Variants in INO80D observed in about 807,000 individuals in gnomAD.
INO80D encodes INO80 complex subunit D.
In INO80D, 21 loss-of-function variants were observed where a neutral mutation model predicts 87.6. The ratio of observed to expected loss-of-function variants is 0.24; its 90% CI spans 0.17 to 0.35. The LOEUF is 0.35. Ranked by LOEUF, INO80D falls within the 10% of genes least tolerant of loss-of-function variation. The probability of loss-of-function intolerance (pLI) is 1.00; values close to 1 mark genes in which losing one functional copy is unlikely to be tolerated. For synonymous variants in INO80D, 440 were observed against 491.0 expected (o/e 0.90, Z 1.37); for missense variants, 982 against 1,280.7 (o/e 0.77, Z 3.56).
At chr2:206,065,728 G>A (rs1486295158) in intron 1 of INO80D, among the ~76,000 whole-genome samples, 1 of 152,130 alleles carries the variant, frequency 6.6e-6, no homozygotes, top group Non-Finnish European at 1.5e-5. Context: ...ATGGGCAAAT[G>A]ATTTGAACAG....
Position 205,998,608 on chromosome 2 carries a change from A to G in INO80D, c.*5760T>C, listed in dbSNP as rs1469395138. The G allele has an allele frequency of 1.3e-5, 2 of 152,152 alleles. No homozygotes were observed. Among genetic ancestry groups the G allele is most frequent in the African/African-American group, 4.8e-5 (2 of 41,450 alleles). 9.4% of individuals were successfully genotyped at this position (152,152 alleles called of 1,614,324 possible). A position where few individuals can be genotyped will look rare whatever the true frequency, so the allele number is the denominator to read the frequency against. On this transcript the variant is annotated 3_prime_UTR_variant, in exon 11 of 11. Transcript: ENST00000403263. ...TATACCTTTTCTCTTAAAATCTACA[A>G]TAAGTATTCTGAAAGCTCATTGGGG... is the stretch of plus-strand genomic sequence containing the variant.
intron 3 of INO80D, among the ~76,000 whole-genome samples, chr2:206,058,035 C>A (rs1286775098): frequency 6.6e-6 from 1 of 151,972 alleles, no homozygotes; most frequent in Admixed American, 6.6e-5. Flanking sequence ...TCATGTTTTC[C>A]TGGATGGTCT....
At chr2:206,058,006 T>C (rs1450432044) in intron 3 of INO80D, among the ~76,000 whole-genome samples, 1 of 152,194 alleles carries the variant, frequency 6.6e-6, no homozygotes, top group Non-Finnish European at 1.5e-5. Context: ...TGGTGCCTTA[T>C]GTATTTCATT....
chr2:206,059,958 C>A (rs995260653), intron 3 of INO80D, among the ~76,000 whole-genome samples: 16 of 152,284 alleles, frequency 1.1e-4, no homozygotes, highest in Middle Eastern at 3.4e-3. Context: ...AATCCCAACA[C>A]TTTGGGAGGC....
At chr2:206,051,821 A>G (rs1410172905) in intron 4 of INO80D, among the ~76,000 whole-genome samples, 2 of 152,194 alleles carry the variant, frequency 1.3e-5, no homozygotes, top group African/African-American at 4.8e-5. Flanking sequence ...TTTCAACAAA[A>G]TAATATTAAA....
rs71410859 is a variant in INO80D at position 206,078,061 on chromosome 2, CAAAAAA to C, written c.-124+7834_-124+7839del. Among the ~76,000 whole-genome samples, 108 of 63,056 alleles carry C rather than the reference CAAAAAA, an allele frequency of 1.7e-3. 1 individual carries two copies. Among genetic ancestry groups the C allele is most frequent in the Admixed American group, 4.5e-3 (18 of 4,000 alleles). The allele number at this position is 63,056 out of a possible 152,430, so 41.4% of individuals were successfully genotyped here. On this transcript the variant is annotated intron_variant, in intron 1 of 10. Coordinates refer to ENST00000403263, the MANE Select transcript of INO80D (RefSeq NM_017759.5). ...TTCCAGCAAGTTGTTGCAATGTTTA[CAAAAAA>C]AAAAAAAAAAAAAAAAAAAAAGGTT...
intron 4 of INO80D, among the ~76,000 whole-genome samples, chr2:206,054,431 C>T (rs756484559): frequency 3.3e-5 from 5 of 152,134 alleles, no homozygotes; most frequent in Non-Finnish European, 5.9e-5. Context: ...TTTCAGTGAA[C>T]ATCCTTGCAC....
chr2:206,009,361 G>A (rs555797564), intron 9 of INO80D, among the ~76,000 whole-genome samples: 1 of 150,990 alleles, frequency 6.6e-6, no homozygotes, highest in South Asian at 2.1e-4. Flanking sequence ...TCAGTTTCGC[G>A]TCTGTTCTCT....
intron 4 of INO80D, among the ~76,000 whole-genome samples, chr2:206,047,906 A>G (rs1410696676): frequency 6.8e-6 from 1 of 146,648 alleles, no homozygotes; most frequent in Non-Finnish European, 1.5e-5. Flanking sequence ...GCTGGAGTGC[A>G]GTGGCGTGAT....
chr2:206,016,228 G>A (rs528587106), intron 8 of INO80D, among the ~76,000 whole-genome samples: 187 of 152,346 alleles, frequency 1.2e-3, no homozygotes, highest in Non-Finnish European at 2.0e-3. Context: ...TGTTTTGCAT[G>A]AGCTTGACCT....
intron 6 of INO80D, among the ~76,000 whole-genome samples, chr2:206,024,587 G>A (rs1438770134): frequency 1.3e-5 from 2 of 152,050 alleles, no homozygotes; most frequent in Non-Finnish European, 2.9e-5. Context: ...ACTCTTAAGG[G>A]CACAGTGCAT....
intron 4 of INO80D, among the ~76,000 whole-genome samples, chr2:206,054,221 T>C (rs1471936937): frequency 6.6e-6 from 1 of 151,590 alleles, no homozygotes; most frequent in Non-Finnish European, 1.5e-5. Context: ...AAGGTCTTAC[T>C]GTGTCGCCCA....
intron 5 of INO80D, among the ~76,000 whole-genome samples, chr2:206,043,970 T>A (rs1689127852): frequency 6.6e-6 from 1 of 152,076 alleles, no homozygotes; most frequent in Admixed American, 6.6e-5. Flanking sequence ...GGCAGGAAGA[T>A]CCCTTCAGAC....
chr2:206,037,186 AC>A (rs1688916623), intron 5 of INO80D, among the ~76,000 whole-genome samples: 1 of 152,208 alleles, frequency 6.6e-6, no homozygotes, highest in African/African-American at 2.4e-5. Context: ...AAGAAATGAT[AC>A]CTGTGAAGTA....
intron 5 of INO80D, among the ~76,000 whole-genome samples, chr2:206,041,171 G>A (rs1019678669): frequency 2.0e-5 from 3 of 150,702 alleles, no homozygotes; most frequent in Admixed American, 6.7e-5. Context: ...CAAAGAATAG[G>A]TGAGACAAAT....
chr2:206,074,470 G>A (rs751341889), intron 1 of INO80D, among the ~76,000 whole-genome samples: 31 of 152,000 alleles, frequency 2.0e-4, no homozygotes, highest in Non-Finnish European at 3.5e-4. Flanking sequence ...AAAATTAGCC[G>A]GGCATGATTG....
At chr2:206,077,141 G>T (rs1690141029) in intron 1 of INO80D, among the ~76,000 whole-genome samples, 1 of 152,078 alleles carries the variant, frequency 6.6e-6, no homozygotes, top group African/African-American at 2.4e-5. Flanking sequence ...GCTGGGCATG[G>T]TGGTGGGCGC....
chr2:206,057,944 T>G (rs962124563), intron 3 of INO80D, among the ~76,000 whole-genome samples: 1 of 152,128 alleles, frequency 6.6e-6, no homozygotes, highest in Non-Finnish European at 1.5e-5. Flanking sequence ...ACTGCTATTT[T>G]GAATTCTCTG....
intron 6 of INO80D, among the ~76,000 whole-genome samples, chr2:206,025,098 T>G (rs1322625268): frequency 6.6e-6 from 1 of 152,132 alleles, no homozygotes; most frequent in East Asian, 1.9e-4. Context: ...AAGTGACTTA[T>G]GATCATTACA....
Sources: gnomAD v4.1 joint callset for allele counts (sites outside exome capture counted in the v4.1 genomes callset) on GRCh38, gnomAD v4.1.1 for gene constraint, MANE v1.5 for transcripts, NCBI Gene and HGNC (gene_info 2026-07-23, HGNC 2026-07-21) for gene names.